The following KIAA1217 variants were observed in gnomAD, a reference collection of about 807,000 sequenced individuals.
KIAA1217 encodes sickle tail protein homolog.
A neutral mutation model predicts 163.9 loss-of-function variants in KIAA1217; 88 were observed. That is an observed-to-expected ratio of 0.54 (90% CI 0.45 to 0.64). The LOEUF is 0.64. Among genes scored for constraint, KIAA1217 ranks in the 30% least tolerant of loss-of-function variants. The probability of loss-of-function intolerance (pLI) is 0.00; values close to 1 mark genes in which losing one functional copy is unlikely to be tolerated. For synonymous variants in KIAA1217, 903 were observed against 923.1 expected (o/e 0.98, Z 0.39); for missense variants, 2,372 against 2,475.0 (o/e 0.96, Z 0.88).
At chr10:23,817,208 C>T (rs374634768) in intron 1 of KIAA1217, among the ~76,000 whole-genome samples, 6 of 152,106 alleles carry the variant, frequency 3.9e-5, no homozygotes, top group African/African-American at 4.8e-5. Context: ...TTCATTTCAC[C>T]GTCTCAAAAT....
intron 1 of KIAA1217, among the ~76,000 whole-genome samples, chr10:23,770,977 T>G (rs1005546870): frequency 6.6e-6 from 1 of 152,236 alleles, no homozygotes; most frequent in African/African-American, 2.4e-5. Flanking sequence ...CAACACTCTT[T>G]CTTTCTGTGA....
At chr10:24,406,510 A>G (rs1475511950) in intron 3 of KIAA1217, among the ~76,000 whole-genome samples, 1 of 152,180 alleles carries the variant, frequency 6.6e-6, no homozygotes, top group Non-Finnish European at 1.5e-5. Context: ...TTAAAATAAA[A>G]GAAACCTGAA....
chr10:23,929,051 G>T (rs926059044), intron 1 of KIAA1217, among the ~76,000 whole-genome samples: 1 of 152,208 alleles, frequency 6.6e-6, no homozygotes, highest in Non-Finnish European at 1.5e-5. Context: ...GCCAGGCAAG[G>T]CAGAAAGAAG....
At chr10:24,372,482 C>T (rs1429307456) in intron 2 of KIAA1217, among the ~76,000 whole-genome samples, 2 of 152,050 alleles carry the variant, frequency 1.3e-5, no homozygotes, top group Non-Finnish European at 2.9e-5. Context: ...GAGACCAGAA[C>T]AATTTCTTGT....
intron 1 of KIAA1217, among the ~76,000 whole-genome samples, chr10:23,890,481 C>A (rs1028752697): frequency 3.3e-5 from 5 of 151,754 alleles, no homozygotes; most frequent in Admixed American, 6.6e-5. Flanking sequence ...CTTTCTCATT[C>A]ATCTTTGACT....
intron 2 of KIAA1217, among the ~76,000 whole-genome samples, chr10:24,231,589 T>A (rs1204653465): frequency 1.3e-5 from 2 of 152,174 alleles, no homozygotes; most frequent in East Asian, 3.9e-4. Flanking sequence ...CCAGATAATG[T>A]TAGATATGTC....
intron 2 of KIAA1217, among the ~76,000 whole-genome samples, chr10:24,246,016 C>T (rs1400246310): frequency 6.6e-6 from 1 of 152,054 alleles, no homozygotes; most frequent in African/African-American, 2.4e-5. Context: ...TTTGGAGGGA[C>T]CTTTTTGTTT....
chr10:23,856,046 G>A (rs1040026424), intron 1 of KIAA1217, among the ~76,000 whole-genome samples: 1 of 152,210 alleles, frequency 6.6e-6, no homozygotes, highest in African/African-American at 2.4e-5. Context: ...TTGTTCTGTT[G>A]CTGGTAAGGA....
intron 2 of KIAA1217, among the ~76,000 whole-genome samples, chr10:24,374,508 T>C (rs1014911506): frequency 6.6e-6 from 1 of 152,214 alleles, no homozygotes; most frequent in Non-Finnish European, 1.5e-5. Context: ...ACCATTTCTC[T>C]GAGTCTTTAA....
intron 2 of KIAA1217, among the ~76,000 whole-genome samples, chr10:24,328,429 C>T (rs2045228688): frequency 6.6e-6 from 1 of 151,668 alleles, no homozygotes. Context: ...CTGATGGTTT[C>T]CTGAGAAAAG....
intron 2 of KIAA1217, among the ~76,000 whole-genome samples, chr10:24,028,529 A>T (rs1459772705): frequency 6.6e-6 from 1 of 152,164 alleles, no homozygotes; most frequent in Admixed American, 6.6e-5. Context: ...GCACATTTGT[A>T]AAACTATGAA....
chr10:24,374,634 G>A (rs1013251224), intron 2 of KIAA1217, among the ~76,000 whole-genome samples: 4 of 152,258 alleles, frequency 2.6e-5, no homozygotes, highest in Admixed American at 2.0e-4. Flanking sequence ...GGGTGTCTCA[G>A]TCTATTACCC....
At position 24,170,218 on chromosome 10, in the gene KIAA1217, A is replaced by C. The variant is rs1250801765; in HGVS notation, c.-170-49408A>C. ...TATTCTACATTCAATATTTTGCAGC[A>C]CTGGTTGCTTTTTGCCGGGTGGTAA... On this transcript the variant is annotated intron_variant, in intron 2 of 18. Coordinates refer to the KIAA1217 transcript ENST00000376462. Among the ~76,000 whole-genome samples, 3 of 152,238 alleles carry C rather than the reference A, an allele frequency of 2.0e-5. 1 individual carries two copies. Among genetic ancestry groups the C allele is most frequent in the Non-Finnish European group, 4.4e-5 (3 of 68,046 alleles).
intron 2 of KIAA1217, among the ~76,000 whole-genome samples, chr10:24,173,948 T>C (rs2065750532): frequency 6.6e-6 from 1 of 152,236 alleles, no homozygotes; most frequent in Admixed American, 6.5e-5. Context: ...CATTTCTGAA[T>C]GTCCCATGGG....
chr10:24,280,155 T>C (rs2077744446), intron 2 of KIAA1217, among the ~76,000 whole-genome samples: 1 of 152,198 alleles, frequency 6.6e-6, no homozygotes, highest in Non-Finnish European at 1.5e-5. Context: ...GGTGGAACCA[T>C]AGGATATTGG....
intron 2 of KIAA1217, among the ~76,000 whole-genome samples, chr10:24,339,621 A>G (rs1242773446): frequency 6.6e-6 from 1 of 152,230 alleles, no homozygotes; most frequent in Admixed American, 6.5e-5. Flanking sequence ...TTCCACACTT[A>G]ATTTCACAAC....
intron 2 of KIAA1217, among the ~76,000 whole-genome samples, chr10:24,117,483 T>G (rs1368724591): frequency 1.3e-5 from 2 of 151,914 alleles, no homozygotes; most frequent in African/African-American, 4.8e-5. Context: ...CTACAAAAAT[T>G]AGCTGGGTGT....
chr10:24,129,593 T>C (rs1415753992), intron 2 of KIAA1217, among the ~76,000 whole-genome samples: 1 of 152,176 alleles, frequency 6.6e-6, no homozygotes, highest in African/African-American at 2.4e-5. Context: ...TGATTAATCT[T>C]GATTTTAAAC....
At chr10:23,931,430 G>A (rs545648882) in intron 1 of KIAA1217, among the ~76,000 whole-genome samples, 12 of 152,308 alleles carry the variant, frequency 7.9e-5, no homozygotes, top group Non-Finnish European at 1.2e-4. Context: ...AGAAAGAAGA[G>A]TCACTGTGTC....
Sources: gnomAD v4.1 joint callset for allele counts (sites outside exome capture counted in the v4.1 genomes callset) on GRCh38, gnomAD v4.1.1 for gene constraint, MANE v1.5 for transcripts, NCBI Gene and HGNC (gene_info 2026-07-23, HGNC 2026-07-21) for gene names.